ABR: variants seen among roughly 807,000 people sequenced by gnomAD.
ABR encodes the protein active breakpoint cluster region-related protein.
In ABR, 35 loss-of-function variants were observed where a neutral mutation model predicts 107.2. The observed-to-expected ratio is 0.33, with a 90% CI of 0.25 to 0.43. The LOEUF is 0.43. Among genes scored for constraint, ABR ranks in the 20% least tolerant of loss-of-function variants. ABR has a pLI of 1.00. For missense variants in ABR, 815 were observed against 1,115.2 expected (o/e 0.73, Z 3.83); for synonymous variants, 498 against 462.0 (o/e 1.08, Z -1.00).
intron 16 of ABR, among the ~76,000 whole-genome samples, chr17:1,035,737 G>A (rs1286219981): frequency 7.2e-6 from 1 of 139,238 alleles, no homozygotes; most frequent in Non-Finnish European, 1.5e-5. Flanking sequence ...CACTGCCTTT[G>A]GAATTAAAAA....
At chr17:1,029,125 GGAAAAGGAAAGAAAAGTA>G (rs2072492522) in intron 16 of ABR, among the ~76,000 whole-genome samples, 1 of 151,814 alleles carries the variant, frequency 6.6e-6, no homozygotes, top group Non-Finnish European at 1.5e-5. Flanking sequence ...AAACAAACAG[GGAAAAGGAAAGAAAAGTA>G]GAAACGCGAA....
rs375885122 is a variant in ABR, at chr17:1,100,822, C to G, written c.247-87G>C. 63 of 1,279,322 alleles carry G rather than the reference C, an allele frequency of 4.9e-5. No homozygotes were observed. The East Asian group carries it at 7.2e-4, about 15-fold the overall frequency. The allele number at this position is 1,279,322 out of a possible 1,614,324, so 79.2% of individuals were successfully genotyped here. On this transcript the variant is annotated intron_variant, in intron 2 of 22. Coordinates refer to ENST00000302538, the MANE Select transcript of ABR (RefSeq NM_021962.5). The stretch of plus-strand genomic sequence containing the variant: ...CGGTCTGCTTCCCTGCCCTTCCCCC[C>G]CGACCTTTATTTTTTTTTTGAGACG...
rs577435431 is a variant in ABR, at chr17:1,153,830, T to C, written c.61+25837A>G. On this transcript the variant is annotated intron_variant, in intron 1 of 22. Coordinates refer to ENST00000302538, the MANE Select transcript of ABR (RefSeq NM_021962.5). The stretch of plus-strand genomic sequence containing the variant: ...CCTACGGGAGGGCTGGGTCCAGGTC[T>C]ACCGAACCTGTCAGCCTGTCACACG... The C allele has an allele frequency of 7.2e-4, 157 of 217,782 alleles. 6 individuals carry two copies. Among genetic ancestry groups the C allele is most frequent in the South Asian group, 3.8e-3 (80 of 20,950 alleles). The allele number at this position is 217,782 out of a possible 1,614,324, so 13.5% of individuals were successfully genotyped here.
At chr17:1,156,445 A>T (rs2041044960) in intron 1 of ABR, among the ~76,000 whole-genome samples, 1 of 152,188 alleles carries the variant, frequency 6.6e-6, no homozygotes, top group Non-Finnish European at 1.5e-5. Flanking sequence ...GCACTTCGGG[A>T]GGCCGAGGTG....
chr17:1,228,686 C>T (rs886801709), intron 1 of ABR: 1 of 151,944 alleles, frequency 6.6e-6, no homozygotes, highest in Non-Finnish European at 1.5e-5. Context: ...TCCCCGGCCC[C>T]GAGCTCGAGG....
chr17:1,163,352 A>G (rs1291934490), intron 1 of ABR, among the ~76,000 whole-genome samples: 1 of 152,232 alleles, frequency 6.6e-6, no homozygotes, highest in Admixed American at 6.5e-5. Context: ...TGACAATTCC[A>G]TAGAAACTTT....
rs570841353 is a variant in ABR, at chr17:1,169,621, G to A, written c.61+10046C>T. On this transcript the variant is annotated intron_variant, in intron 1 of 22. Coordinates refer to ENST00000302538, the MANE Select transcript of ABR (RefSeq NM_021962.5). ...GGGGGACTCTCTGGGCTCGAGGGCC[G>A]TCGTGGGTGTGAGCCTGGGTCTGGA... Among the ~76,000 whole-genome samples, 11 of 152,244 alleles carry A rather than the reference G, an allele frequency of 7.2e-5. No homozygotes were observed. In the South Asian group the frequency reaches 1.7e-3, roughly 23 times the overall value.
intron 9 of ABR, among the ~76,000 whole-genome samples, chr17:1,069,436 G>C (rs932615558): frequency 2.0e-5 from 3 of 152,154 alleles, no homozygotes; most frequent in African/African-American, 7.2e-5. Context: ...GGCCGAGGCG[G>C]GCAGATCACC....
rs574867393 is a variant in ABR at position 1,083,794 on chromosome 17, C to T, written c.532-167G>A. 1.2e-4 allele frequency: 73 copies of T among 617,316 alleles called. No homozygotes were observed. In the South Asian group the frequency reaches 1.2e-3, roughly 10 times the overall value. 38.2% of individuals were successfully genotyped at this position (617,316 alleles called of 1,614,324 possible). ...CAGGGATGAACATATTACAGTGTCC[C>T]TTTGAACTGGACAGTTTCCATGGAA... On this transcript the variant is annotated intron_variant, in intron 4 of 22. Transcript: ENST00000302538.
intron 1 of ABR, among the ~76,000 whole-genome samples, chr17:1,155,688 G>A (rs537849702): frequency 8.1e-4 from 124 of 152,192 alleles, no homozygotes; most frequent in African/African-American, 2.9e-3. Flanking sequence ...CATCTAGGCC[G>A]GCCGCAGTGG....
chr17:1,004,781 A>C lies in ABR; in HGVS notation c.*1299T>G, dbSNP rs918208359. 4 of 355,450 alleles carry C rather than the reference A, an allele frequency of 1.1e-5. No individual in the cohort carries two copies. Among genetic ancestry groups the C allele is most frequent in the Middle Eastern group, 1.4e-3 (2 of 1,416 alleles). The allele number at this position is 355,450 out of a possible 1,614,324, so 22.0% of individuals were successfully genotyped here. A position where few individuals can be genotyped will look rare whatever the true frequency, so the allele number is the denominator to read the frequency against. On this transcript the variant is annotated 3_prime_UTR_variant, in exon 23 of 23. Transcript: ENST00000302538. ...TCTCCCCACAACTTCTGGAGTTCCC[A>C]GTGTTTACCCAAAAGGCTGTATCCA... is the stretch of plus-strand genomic sequence containing the variant.
At position 1,037,085 on chromosome 17, in the gene ABR, TTCCA is replaced by T. The variant is rs1304338113; in HGVS notation, c.1791+12961_1791+12964del. 3.1e-5 allele frequency among the ~76,000 whole-genome samples: 4 copies of T among 128,160 alleles called. No homozygotes were observed. Among genetic ancestry groups the T allele is most frequent in the East Asian group, 2.8e-4 (1 of 3,546 alleles). 84.1% of individuals were successfully genotyped at this position (128,160 alleles called of 152,430 possible). On this transcript the variant is annotated intron_variant, in intron 16 of 22. Coordinates refer to ENST00000302538, the MANE Select transcript of ABR (RefSeq NM_021962.5). This position sits in a 1 kb window ranked among gnomAD's most constrained non-coding sequence, Gnocchi z 4.6. ...CATCCATCCACCCACCCACCCATCC[TTCCA>T]TCCATCCATCCATCCATCCACCCAC...
intron 6 of ABR, among the ~76,000 whole-genome samples, chr17:1,075,152 G>A (rs2035596813): frequency 6.6e-6 from 1 of 152,250 alleles, no homozygotes; most frequent in African/African-American, 2.4e-5. Flanking sequence ...AGGGACAGGT[G>A]GAGGTGGCAG....
At chr17:1,021,531 T>C (rs186627927) in intron 16 of ABR, among the ~76,000 whole-genome samples, 4,464 of 152,184 alleles carry the variant, frequency 0.029, 91 homozygotes, top group Non-Finnish European at 0.04. Flanking sequence ...TTCAGCCAGG[T>C]GCGGTGGCTC....
chr17:1,184,009 G>A (rs988020849), upstream of ABR, among the ~76,000 whole-genome samples: 2 of 151,974 alleles, frequency 1.3e-5, no homozygotes, highest in Admixed American at 6.6e-5. Context: ...CTGGGAGTTC[G>A]AGACCATCCT....
chr17:1,036,785 G>T (rs191171338), intron 16 of ABR, among the ~76,000 whole-genome samples: 8 of 152,156 alleles, frequency 5.3e-5, no homozygotes, highest in African/African-American at 1.9e-4. Context: ...TTCCTGTACC[G>T]ACCCTAACCA....
At chr17:1,229,460 C>A (rs1349718074) in exon 1 of ABR, among the ~76,000 whole-genome samples, 2 of 151,770 alleles carry the variant, frequency 1.3e-5, no homozygotes. Flanking sequence ...CCTGCGGGAG[C>A]GAGGCTTTGA....
chr17:1,207,577 A>T, intron 1 of ABR, among the ~76,000 whole-genome samples: 1 of 135,042 alleles, frequency 7.4e-6, no homozygotes, highest in East Asian at 2.6e-4. Context: ...TGAACTCGGG[A>T]GGTGGAAGTT....
At chr17:1,083,843 T>C (rs2036422607) in intron 4 of ABR, 1 of 535,676 alleles carries the variant, frequency 1.9e-6, no homozygotes, top group African/African-American at 1.9e-5. Context: ...ATAAGGTTAA[T>C]GAGGGGGTCT....
Sources: gnomAD v4.1 joint callset for allele counts (sites outside exome capture counted in the v4.1 genomes callset) on GRCh38, gnomAD v4.1.1 for gene constraint, Gnocchi (gnomAD v3.1) non-coding constraint, MANE v1.5 for transcripts, NCBI Gene and HGNC (gene_info 2026-07-23, HGNC 2026-07-21) for gene names.